CREB3L1: variants seen among roughly 807,000 people sequenced by gnomAD.
The protein encoded by CREB3L1 is cyclic AMP-responsive element-binding protein 3-like protein 1.
Under a neutral mutation model 54.5 loss-of-function variants are expected in CREB3L1, and 33 were observed. The ratio of observed to expected loss-of-function variants is 0.61; its 90% CI spans 0.46 to 0.81. The LOEUF (loss-of-function observed/expected upper bound fraction) is 0.81, where lower values mean the gene tolerates loss of function less well. Among genes scored for constraint, CREB3L1 ranks in the 30% least tolerant of loss-of-function variants. CREB3L1 has a pLI of 0.00. For synonymous variants in CREB3L1, 284 were observed against 286.4 expected (o/e 0.99, Z 0.08); for missense variants, 656 against 673.3 (o/e 0.97, Z 0.29).
chr11:46,296,586 C>T (rs985986730), intron 1 of CREB3L1, among the ~76,000 whole-genome samples: 2 of 152,194 alleles, frequency 1.3e-5, no homozygotes, highest in African/African-American at 2.4e-5. Context: ...AGGCATCAGA[C>T]GGAACTAGGG....
At chr11:46,305,830 C>T (rs188566864) in intron 2 of CREB3L1, among the ~76,000 whole-genome samples, 4,490 of 149,530 alleles carry the variant, frequency 0.03, 222 homozygotes, top group African/African-American at 0.1. Context: ...CTCCGCCTCC[C>T]GGGTTCATGC....
In CREB3L1 at chr11:46,286,655, G is replaced by A. The variant is rs185397063; in HGVS notation, c.102+8442G>A. Among the ~76,000 whole-genome samples the A allele has an allele frequency of 8.6e-5, 13 of 151,998 alleles. No homozygotes were observed. The East Asian group carries it at 2.5e-3, about 29-fold the overall frequency. On this transcript the variant is annotated intron_variant, in intron 1 of 11. Coordinates refer to ENST00000621158, the MANE Select transcript of CREB3L1 (RefSeq NM_052854.4). Reference sequence around the variant, plus strand: ...CAAAAATTAGCCAGGCGTGGTGGCGGGAGCCTGTAATCCCAGCTACTCAGG... The same window carrying A: ...CAAAAATTAGCCAGGCGTGGTGGCGAGAGCCTGTAATCCCAGCTACTCAGG...
intron 1 of CREB3L1, among the ~76,000 whole-genome samples, chr11:46,298,264 C>T (rs1234836609): frequency 6.6e-6 from 1 of 152,206 alleles, no homozygotes. Context: ...CCAACAACTC[C>T]AGACCTTGAA....
intron 1 of CREB3L1, among the ~76,000 whole-genome samples, chr11:46,284,457 C>G (rs989622783): frequency 1.3e-5 from 2 of 151,980 alleles, no homozygotes; most frequent in Non-Finnish European, 2.9e-5. Flanking sequence ...TTGAGACCAG[C>G]CTGACCAACA....
intron 1 of CREB3L1, among the ~76,000 whole-genome samples, chr11:46,292,698 C>T (rs974160777): frequency 6.6e-6 from 1 of 152,198 alleles, no homozygotes; most frequent in South Asian, 2.1e-4. Context: ...GTAATCATAG[C>T]TCACTGCAGC....
intron 10 of CREB3L1, among the ~76,000 whole-genome samples, chr11:46,318,841 G>A (rs1412539177): frequency 2.0e-5 from 3 of 152,174 alleles, no homozygotes; most frequent in Non-Finnish European, 4.4e-5. Flanking sequence ...ATAGCAGGGA[G>A]GATGAGCTAG....
intron 1 of CREB3L1, among the ~76,000 whole-genome samples, chr11:46,286,762 G>T (rs1002681633): frequency 3.9e-5 from 6 of 152,012 alleles, no homozygotes; most frequent in African/African-American, 1.5e-4. Flanking sequence ...TCCAGCCTGG[G>T]CAACAGAACA....
intron 2 of CREB3L1, among the ~76,000 whole-genome samples, chr11:46,306,172 G>A (rs963877365): frequency 2.0e-5 from 3 of 152,152 alleles, no homozygotes; most frequent in Non-Finnish European, 2.9e-5. Context: ...GCCTCCCAAA[G>A]CTGGGATTAT....
At chr11:46,305,622 A>G (rs1322758016) in intron 2 of CREB3L1, among the ~76,000 whole-genome samples, 3 of 118,698 alleles carry the variant, frequency 2.5e-5, no homozygotes, top group African/African-American at 9.9e-5. Context: ...GTGTGTGTAT[A>G]TATATGTATA....
At chr11:46,292,601 G>T (rs1422148721) in intron 1 of CREB3L1, among the ~76,000 whole-genome samples, 1 of 152,148 alleles carries the variant, frequency 6.6e-6, no homozygotes, top group African/African-American at 2.4e-5. Flanking sequence ...ATGGAGCAGA[G>T]AAATGACATA....
intron 1 of CREB3L1, among the ~76,000 whole-genome samples, chr11:46,290,022 G>A (rs1260904454): frequency 1.3e-5 from 2 of 152,188 alleles, no homozygotes; most frequent in South Asian, 2.1e-4. Context: ...GCCCAGGACA[G>A]CAGCTGACTC....
intron 1 of CREB3L1, among the ~76,000 whole-genome samples, chr11:46,299,063 C>T (rs1246653902): frequency 1.3e-5 from 2 of 152,142 alleles, no homozygotes; most frequent in African/African-American, 4.8e-5. Context: ...CACACATGTG[C>T]GTTCACACAC....
At chr11:46,313,018 T>C (rs1301907701) in intron 8 of CREB3L1, 99 bp downstream of exon 8, 20 of 899,458 alleles carry the variant, frequency 2.2e-5, no homozygotes, top group Non-Finnish European at 3.2e-5. Context: ...GAGAGAGAAC[T>C]AAGTTTAGGA....
intron 1 of CREB3L1, among the ~76,000 whole-genome samples, chr11:46,281,244 G>A (rs1938967065): frequency 6.6e-6 from 1 of 152,186 alleles, no homozygotes; most frequent in Non-Finnish European, 1.5e-5. Context: ...CCACCCTTGA[G>A]CCACTGTACT....
rs564244034 is a variant in CREB3L1, at chr11:46,314,567, G to T, written c.1031+1648G>T. Among the ~76,000 whole-genome samples the T allele has an allele frequency of 1.5e-3, 233 of 152,056 alleles. 1 individual carries two copies. The highest frequency in any genetic ancestry group is 5.3e-3 in the African/African-American group (219 of 41,480). The stretch of plus-strand genomic sequence containing the variant: ...AATTTTAAGTATTTTGTAGAGACGT[G>T]GTCTTGCTGTGTTGCCCAGGCTGGT... On this transcript the variant is annotated intron_variant, in intron 8 of 11. Coordinates refer to ENST00000621158, the MANE Select transcript of CREB3L1 (RefSeq NM_052854.4).
At chr11:46,297,710 G>A (rs544408182) in intron 1 of CREB3L1, among the ~76,000 whole-genome samples, 1 of 152,178 alleles carries the variant, frequency 6.6e-6, no homozygotes, top group Non-Finnish European at 1.5e-5. Flanking sequence ...AAGTGGGAGA[G>A]TACCCCTGCC....
intron 10 of CREB3L1, among the ~76,000 whole-genome samples, chr11:46,319,772 G>T (rs945136868): frequency 6.6e-6 from 1 of 151,926 alleles, no homozygotes; most frequent in African/African-American, 2.4e-5. Flanking sequence ...CCAGCTACTC[G>T]GGAGGCTGAG....
intron 1 of CREB3L1, among the ~76,000 whole-genome samples, chr11:46,290,863 G>T (rs1939120271): frequency 6.6e-6 from 1 of 152,104 alleles, no homozygotes; most frequent in Non-Finnish European, 1.5e-5. Flanking sequence ...GCACTGGAAG[G>T]GCCCCAGCTG....
chr11:46,309,310 G>A (rs1423531009), intron 3 of CREB3L1, among the ~76,000 whole-genome samples: 2 of 152,150 alleles, frequency 1.3e-5, no homozygotes, highest in African/African-American at 2.4e-5. Flanking sequence ...CCCCAACAAC[G>A]CCTTCCTCAG....
Sources: allele counts gnomAD v4.1 joint callset (sites outside exome capture counted in the v4.1 genomes callset), GRCh38; gene constraint gnomAD v4.1.1; transcripts MANE v1.5; gene names NCBI Gene and HGNC (gene_info 2026-07-23, HGNC 2026-07-21).